Variants in GRID1 observed in about 807,000 individuals in gnomAD.
The protein encoded by GRID1 is glutamate ionotropic receptor delta type subunit 1, also known as glutamate receptor ionotropic, delta-1.
Under a neutral mutation model 98.0 loss-of-function variants are expected in GRID1, and 28 were observed. The observed-to-expected ratio is 0.29, with a 90% CI of 0.21 to 0.39. The LOEUF (loss-of-function observed/expected upper bound fraction) is 0.39. Ranked by LOEUF, GRID1 falls within the 10% of genes least tolerant of loss-of-function variation. The probability of loss-of-function intolerance (pLI) is 1.00; values close to 1 mark genes in which losing one functional copy is unlikely to be tolerated. For missense variants in GRID1, 1,111 were observed against 1,340.5 expected (o/e 0.83, Z 2.67); for synonymous variants, 553 against 538.5 (o/e 1.03, Z -0.37).
chr10:86,206,507 G>C lies in GRID1; in HGVS notation c.377C>G (p.Thr126Ser). Residue 126 changes from threonine (T) to serine (S), a missense_variant, in exon 3 of 16, where the codon ACC becomes AGC. Thr to Ser is a moderately conservative substitution (Grantham distance 58). Transcript: ENST00000327946. This position sits in a 1 kb window ranked among gnomAD's most constrained non-coding sequence, Gnocchi z 4.1. ...GGGGCTGGGGTTCAGGTGGCATGCG[G>C]TGCGTGGCGACCCTCCCGGGTTGCG... ...VQRNPGGSPRTACHLNPSPDG... is the reference protein window; with the variant it reads ...VQRNPGGSPRSACHLNPSPDG... 6.2e-7 allele frequency: 1 copy of C among 1,614,260 alleles called. No individual in the cohort carries two copies. Among genetic ancestry groups the C allele is most frequent in the Non-Finnish European group, 8.5e-7 (1 of 1,180,056 alleles).
rs1050474596 is a variant in GRID1 at position 86,074,688 on chromosome 10, ATTCCCT to A, written c.726+64125_726+64130del. On this transcript the variant is annotated intron_variant, in intron 4 of 15. Transcript: ENST00000327946. ...GGTCAAGTAACCCTTTGATATAATG[ATTCCCT>A]TTCCTTGGATAGAACTCAGCAGTGC... is the stretch of plus-strand genomic sequence containing the variant. Among the ~76,000 whole-genome samples the A allele has an allele frequency of 3.5e-4, 54 of 152,332 alleles. 1 individual carries two copies. The highest frequency in any genetic ancestry group is 1.2e-3 in the African/African-American group (50 of 41,588).
chr10:85,844,420 TACACACACACACACAC>T (rs55706189), intron 8 of GRID1, among the ~76,000 whole-genome samples: 101 of 133,850 alleles, frequency 7.5e-4, no homozygotes, highest in East Asian at 3.1e-3. Context: ...TACAACTAAA[TACACACACACACACAC>T]ACACACACAC....
At chr10:85,899,619 C>T (rs1456672353) in intron 5 of GRID1, among the ~76,000 whole-genome samples, 1 of 152,046 alleles carries the variant, frequency 6.6e-6, no homozygotes, top group Admixed American at 6.5e-5. Context: ...ATAAAGCATC[C>T]AAAGCAGGGC....
At chr10:85,990,401 G>A (rs897293601) in intron 4 of GRID1, among the ~76,000 whole-genome samples, 1 of 152,200 alleles carries the variant, frequency 6.6e-6, no homozygotes, top group Non-Finnish European at 1.5e-5. Flanking sequence ...TGTGATCAAG[G>A]CAGGAATGAT....
intron 4 of GRID1, among the ~76,000 whole-genome samples, chr10:85,935,975 G>A (rs1325923216): frequency 1.3e-5 from 2 of 152,286 alleles, no homozygotes; most frequent in Middle Eastern, 3.4e-3. Flanking sequence ...CAGAGCCAGT[G>A]TATGAGCTGG....
chr10:85,615,728 G>A (rs1842780645), intron 14 of GRID1, among the ~76,000 whole-genome samples: 1 of 152,214 alleles, frequency 6.6e-6, no homozygotes, highest in South Asian at 2.1e-4. Context: ...CACCTCATAT[G>A]GATCATGTCG....
chr10:85,747,440 A>G (rs547338006), intron 8 of GRID1, among the ~76,000 whole-genome samples: 4 of 152,252 alleles, frequency 2.6e-5, no homozygotes, highest in Admixed American at 2.6e-4. Flanking sequence ...GCAAGCTTCC[A>G]TTCCCCTTAC....
chr10:85,708,277 G>A (rs573253664), intron 12 of GRID1, among the ~76,000 whole-genome samples: 146 of 152,094 alleles, frequency 9.6e-4, no homozygotes, highest in Admixed American at 2.5e-3. Flanking sequence ...GGTGGTGGGC[G>A]CCTGTAGTCC....
chr10:86,138,287 G>C (rs762077716), intron 4 of GRID1, among the ~76,000 whole-genome samples: 1 of 152,180 alleles, frequency 6.6e-6, no homozygotes, highest in Admixed American at 6.5e-5. Flanking sequence ...TCATTAGAAG[G>C]CTCCAACCTC....
chr10:86,302,730 G>C (rs1447635789), intron 2 of GRID1, among the ~76,000 whole-genome samples: 2 of 152,166 alleles, frequency 1.3e-5, no homozygotes, highest in South Asian at 2.1e-4. Context: ...CATTCTACAG[G>C]ACAACTGGCC....
intron 4 of GRID1, among the ~76,000 whole-genome samples, chr10:85,951,042 A>G (rs573753256): frequency 6.6e-6 from 1 of 152,206 alleles, no homozygotes; most frequent in Non-Finnish European, 1.5e-5. Context: ...CTCTGGTTAG[A>G]TACCACTCAC....
At chr10:85,670,489 G>T (rs896135310) in intron 12 of GRID1, among the ~76,000 whole-genome samples, 11 of 152,154 alleles carry the variant, frequency 7.2e-5, no homozygotes, top group Non-Finnish European at 1.0e-4. Context: ...CTCAGAAAAA[G>T]GGTCAGAAAT....
At chr10:85,693,806 A>G (rs1841359791) in intron 12 of GRID1, among the ~76,000 whole-genome samples, 1 of 152,226 alleles carries the variant, frequency 6.6e-6, no homozygotes, top group South Asian at 2.1e-4. Flanking sequence ...AAAGACTTAC[A>G]TGTAAGACTG....
intron 4 of GRID1, among the ~76,000 whole-genome samples, chr10:86,120,110 T>C (rs1042524314): frequency 1.3e-5 from 2 of 152,146 alleles, no homozygotes; most frequent in African/African-American, 2.4e-5. Context: ...GCTCCCACTG[T>C]TTTAAGGACT....
chr10:85,784,882 C>CT (rs1219348011), intron 8 of GRID1, among the ~76,000 whole-genome samples: 1 of 151,716 alleles, frequency 6.6e-6, no homozygotes, highest in Non-Finnish European at 1.5e-5. Flanking sequence ...CCTTTTTTTT[C>CT]TCTGAGCACA....
chr10:85,733,980 A>G (rs932789763), intron 8 of GRID1, among the ~76,000 whole-genome samples: 3 of 152,200 alleles, frequency 2.0e-5, no homozygotes, highest in African/African-American at 7.2e-5. Flanking sequence ...GATAAAAATA[A>G]CTAGCATAGA....
intron 2 of GRID1, among the ~76,000 whole-genome samples, chr10:86,309,602 G>A (rs79715932): frequency 9.9e-4 from 151 of 152,258 alleles, no homozygotes; most frequent in African/African-American, 3.4e-3. Context: ...TGGCAGCACC[G>A]CGTGGGAGGA....
At chr10:85,662,667 C>T (rs1840979044) in intron 12 of GRID1, among the ~76,000 whole-genome samples, 1 of 152,222 alleles carries the variant, frequency 6.6e-6, no homozygotes. Context: ...CCTTGTATGA[C>T]ATTTTTCCTG....
chr10:85,673,308 A>G (rs1841108610), intron 12 of GRID1, among the ~76,000 whole-genome samples: 1 of 152,254 alleles, frequency 6.6e-6, no homozygotes, highest in African/African-American at 2.4e-5. Context: ...TGAAATGACA[A>G]CAAAAGGTTT....
Sources: allele counts gnomAD v4.1 joint callset (sites outside exome capture counted in the v4.1 genomes callset), GRCh38; gene constraint gnomAD v4.1.1; non-coding constraint Gnocchi (gnomAD v3.1); transcripts MANE v1.5; gene names NCBI Gene and HGNC (gene_info 2026-07-23, HGNC 2026-07-21).